Variants in C6 observed in about 807,000 individuals in gnomAD.
C6 encodes complement component C6.
Under a neutral mutation model 112.9 loss-of-function variants are expected in C6, and 101 were observed. The observed-to-expected ratio is 0.89, with a 90% CI of 0.76 to 1.06. The LOEUF (loss-of-function observed/expected upper bound fraction) is 1.06. Among genes scored for constraint, C6 ranks in the 50% least tolerant of loss-of-function variants. The pLI is 0.00. For missense variants in C6, 1,202 were observed against 1,104.6 expected, an observed-to-expected ratio of 1.09 and a Z score of -1.25; for synonymous variants, 431 against 384.1, an observed-to-expected ratio of 1.12 and a Z score of -1.43.
At chr5:41,227,542 A>G (rs1015544373) in intron 1 of C6, among the ~76,000 whole-genome samples, 2 of 152,052 alleles carry the variant, frequency 1.3e-5, no homozygotes, top group African/African-American at 4.8e-5. Flanking sequence ...GACCAGTGTC[A>G]TGGAACTTAC....
intron 1 of C6, among the ~76,000 whole-genome samples, chr5:41,244,662 A>G (rs572262432): frequency 1.3e-5 from 2 of 152,220 alleles, no homozygotes; most frequent in African/African-American, 2.4e-5. Flanking sequence ...AATTGTTCTT[A>G]GATGTCCCCA....
At chr5:41,147,684 A>T (rs1745962421) in intron 17 of C6, among the ~76,000 whole-genome samples, 1 of 152,194 alleles carries the variant, frequency 6.6e-6, no homozygotes, top group Non-Finnish European at 1.5e-5. Context: ...CCAATTTAAG[A>T]TAATTTTTTT....
intron 1 of C6, among the ~76,000 whole-genome samples, chr5:41,251,961 A>G (rs1741389007): frequency 6.6e-6 from 1 of 152,226 alleles, no homozygotes; most frequent in Non-Finnish European, 1.5e-5. Context: ...TCAAGGAGAG[A>G]GGCAAGAAGC....
At chr5:41,157,463 G>A (rs999340173) in intron 13 of C6, among the ~76,000 whole-genome samples, 3 of 152,236 alleles carry the variant, frequency 2.0e-5, no homozygotes, top group Admixed American at 6.5e-5. Context: ...AGGCCATATG[G>A]CATCTGTTGA....
At chr5:41,234,357 G>GTTTT (rs1214001006) in intron 1 of C6, among the ~76,000 whole-genome samples, 22 of 125,668 alleles carry the variant, frequency 1.8e-4, no homozygotes, top group African/African-American at 7.5e-4. Context: ...TTTGTTTTTT[G>GTTTT]TTTTTTGTTT....
At chr5:41,150,980 A>G (rs959844509) in intron 15 of C6, among the ~76,000 whole-genome samples, 1 of 151,822 alleles carries the variant, frequency 6.6e-6, no homozygotes, top group African/African-American at 2.4e-5. Flanking sequence ...ATGGAACAAG[A>G]TGTGGCCAGA....
At chr5:41,165,335 T>A (rs1442333254) in intron 9 of C6, among the ~76,000 whole-genome samples, 1 of 152,192 alleles carries the variant, frequency 6.6e-6, no homozygotes, top group Non-Finnish European at 1.5e-5. Flanking sequence ...TGCATTTATG[T>A]TTCACTTTAG....
chr5:41,243,873 G>A (rs1324618604), intron 1 of C6, among the ~76,000 whole-genome samples: 1 of 152,174 alleles, frequency 6.6e-6, no homozygotes, highest in Non-Finnish European at 1.5e-5. Context: ...TTCCTCAGTT[G>A]GAGTAACTCT....
intron 7 of C6, among the ~76,000 whole-genome samples, chr5:41,178,523 TG>T (rs1749056089): frequency 6.9e-6 from 1 of 144,080 alleles, no homozygotes; most frequent in Admixed American, 7.5e-5. Flanking sequence ...TCACCCAGGC[TG>T]GAGTGCAGTG....
chr5:41,157,028 C>A (rs916864743), intron 13 of C6, among the ~76,000 whole-genome samples: 1 of 152,064 alleles, frequency 6.6e-6, no homozygotes, highest in Non-Finnish European at 1.5e-5. Context: ...ATTGCTCTAG[C>A]CTGGAATTAG....
At chr5:41,187,897 A>C (rs1278918130) in intron 5 of C6, among the ~76,000 whole-genome samples, 1 of 152,156 alleles carries the variant, frequency 6.6e-6, no homozygotes, top group African/African-American at 2.4e-5. Flanking sequence ...TTTTAATTTT[A>C]TTAAAAGGTT....
intron 1 of C6, among the ~76,000 whole-genome samples, chr5:41,224,243 G>A (rs1296530637): frequency 1.3e-5 from 2 of 152,044 alleles, no homozygotes; most frequent in East Asian, 3.9e-4. Flanking sequence ...TAGCTTTATT[G>A]AGATGTAATT....
chr5:41,195,354 A>G (rs536906435), intron 5 of C6, among the ~76,000 whole-genome samples: 3 of 152,100 alleles, frequency 2.0e-5, no homozygotes, highest in Middle Eastern at 3.4e-3. Flanking sequence ...TTGGCTTTCA[A>G]CCCACCCATA....
Position 41,243,016 on chromosome 5 carries a change from A to G in C6, c.-21+18178T>C, listed in dbSNP as rs527954654. Among the ~76,000 whole-genome samples the G allele has an allele frequency of 2.6e-5, 4 of 152,308 alleles. No individual in the cohort carries two copies. The South Asian group carries it at 8.3e-4, about 32-fold the overall frequency. ...TGGGGATGGGAGGAGGAATGGGAAG[A>G]TAATGGATAAAGTATACAACATCTC... On this transcript the variant is annotated intron_variant, in intron 1 of 17. Coordinates refer to the C6 transcript ENST00000263413.
intron 1 of C6, among the ~76,000 whole-genome samples, chr5:41,245,466 A>T (rs1740963560): frequency 6.6e-6 from 1 of 151,792 alleles, no homozygotes; most frequent in Admixed American, 6.6e-5. Context: ...GATTGCAGTG[A>T]ACTGAGATAG....
chr5:41,222,178 CAAAA>C (rs540497553), intron 1 of C6, among the ~76,000 whole-genome samples: 2 of 146,320 alleles, frequency 1.4e-5, no homozygotes, highest in African/African-American at 2.5e-5. Flanking sequence ...AAAAAAAAAA[CAAAA>C]AAAAGAAAAG....
intron 1 of C6, among the ~76,000 whole-genome samples, chr5:41,229,577 CT>C (rs561780962): frequency 1.4e-4 from 21 of 151,830 alleles, no homozygotes; most frequent in African/African-American, 3.1e-4. Flanking sequence ...TGTGGTAAGA[CT>C]TTTTTTTGTG....
rs1040894793 is a variant in C6, at chr5:41,260,064, T to C, written c.-21+1130A>G. On this transcript the variant is annotated intron_variant, in intron 1 of 17. Transcript: ENST00000263413. ...AATTTATCTACTTATTATCCAGTTA[T>C]GGATAATGATTTCTAGGTTATTCAT... Among the ~76,000 whole-genome samples, 13 of 152,350 alleles carry C rather than the reference T, an allele frequency of 8.5e-5. No individual in the cohort carries two copies. In the East Asian group the frequency reaches 2.5e-3, roughly 29 times the overall value.
chr5:41,190,646 T>G (rs1437008063), intron 5 of C6, among the ~76,000 whole-genome samples: 2 of 152,200 alleles, frequency 1.3e-5, no homozygotes, highest in African/African-American at 4.8e-5. Flanking sequence ...TGCTTCTGCT[T>G]TTGAAGTCTT....
Sources: allele counts gnomAD v4.1 joint callset (sites outside exome capture counted in the v4.1 genomes callset), GRCh38; gene constraint gnomAD v4.1.1; transcripts MANE v1.5; gene names NCBI Gene and HGNC (gene_info 2026-07-23, HGNC 2026-07-21).